CAMK2D: variants seen among roughly 807,000 people sequenced by gnomAD.
CAMK2D encodes calcium/calmodulin-dependent protein kinase type II subunit delta.
Under a neutral mutation model 84.0 loss-of-function variants are expected in CAMK2D, and 37 were observed. That is an observed-to-expected ratio of 0.44 (90% CI 0.34 to 0.58). The LOEUF is 0.58. Among genes scored for constraint, CAMK2D ranks in the 20% least tolerant of loss-of-function variants. The pLI is 0.02. For missense variants in CAMK2D, 448 were observed against 652.5 expected (o/e 0.69, Z 3.41); for synonymous variants, 202 against 212.5 (o/e 0.95, Z 0.43).
At chr4:113,522,547 T>C (rs1456105182) in intron 8 of CAMK2D, among the ~76,000 whole-genome samples, 1 of 152,154 alleles carries the variant, frequency 6.6e-6, no homozygotes, top group African/African-American at 2.4e-5. Context: ...ATGGAAACTA[T>C]CTATGCCATG....
chr4:113,521,808 A>G (rs549014809), intron 8 of CAMK2D, among the ~76,000 whole-genome samples: 1 of 152,314 alleles, frequency 6.6e-6, no homozygotes, highest in South Asian at 2.1e-4. Context: ...ATGTATTGAT[A>G]CAATGTTTCA....
At chr4:113,749,885 T>C (rs1466205839) in intron 2 of CAMK2D, among the ~76,000 whole-genome samples, 1 of 152,254 alleles carries the variant, frequency 6.6e-6, no homozygotes, top group Non-Finnish European at 1.5e-5. Flanking sequence ...TTGTATGCTA[T>C]TTGACATGAA....
At chr4:113,651,221 TAAC>T (rs1296252656) in intron 3 of CAMK2D, among the ~76,000 whole-genome samples, 1 of 152,144 alleles carries the variant, frequency 6.6e-6, no homozygotes, top group African/African-American at 2.4e-5. Flanking sequence ...ATAATAAAAT[TAAC>T]AAGTTATTTC....
intron 2 of CAMK2D, among the ~76,000 whole-genome samples, chr4:113,745,907 A>T (rs1415316853): frequency 6.6e-6 from 1 of 152,144 alleles, no homozygotes; most frequent in Non-Finnish European, 1.5e-5. Context: ...ACCCTACAAA[A>T]CAGCTGCAAC....
At chr4:113,712,291 G>C (rs1465401068) in intron 2 of CAMK2D, among the ~76,000 whole-genome samples, 4 of 152,190 alleles carry the variant, frequency 2.6e-5, no homozygotes, top group Non-Finnish European at 5.9e-5. Flanking sequence ...AATGACCCAG[G>C]AAGACTATGG....
At chr4:113,457,077 T>G in intron 19 of CAMK2D, 525 of 711,292 alleles carry the variant, frequency 7.4e-4, no homozygotes, top group Non-Finnish European at 9.5e-4. Flanking sequence ...TTTAACCCTG[T>G]GAGATTTTGA....
At chr4:113,675,891 T>C (rs1293708311) in intron 2 of CAMK2D, among the ~76,000 whole-genome samples, 1 of 152,228 alleles carries the variant, frequency 6.6e-6, no homozygotes, top group Non-Finnish European at 1.5e-5. Flanking sequence ...ACAGCTTCTA[T>C]ACCAGTGATT....
intron 2 of CAMK2D, among the ~76,000 whole-genome samples, chr4:113,670,109 T>A (rs1352209852): frequency 6.6e-6 from 1 of 152,054 alleles, no homozygotes; most frequent in African/African-American, 2.4e-5. Flanking sequence ...TGATACACCG[T>A]CTGTACTACA....
intron 2 of CAMK2D, among the ~76,000 whole-genome samples, chr4:113,698,133 T>C (rs776410452): frequency 7.2e-5 from 11 of 152,110 alleles, no homozygotes; most frequent in African/African-American, 1.2e-4. Context: ...ACGAAGCCTA[T>C]TTTATAATAA....
chr4:113,550,375 G>C (rs2098617048), intron 5 of CAMK2D, among the ~76,000 whole-genome samples: 1 of 152,126 alleles, frequency 6.6e-6, no homozygotes, highest in African/African-American at 2.4e-5. Flanking sequence ...GTTTCACCAT[G>C]TTGCCCAGGC....
intron 2 of CAMK2D, among the ~76,000 whole-genome samples, chr4:113,741,929 C>T (rs1189682550): frequency 6.6e-6 from 1 of 152,198 alleles, no homozygotes; most frequent in Admixed American, 6.6e-5. Context: ...TGCTTCTTTT[C>T]ATCGTTAATG....
At chr4:113,500,411 A>G (rs1263172356) in intron 16 of CAMK2D, 52 bp downstream of exon 16, 17 of 1,100,346 alleles carry the variant, frequency 1.5e-5, no homozygotes, top group Non-Finnish European at 2.1e-5. Context: ...TTTTTTTCAT[A>G]TATATATGTG....
intron 8 of CAMK2D, among the ~76,000 whole-genome samples, chr4:113,526,447 T>G (rs980347529): frequency 1.3e-5 from 2 of 148,948 alleles, no homozygotes; most frequent in Non-Finnish European, 3.0e-5. Flanking sequence ...TGTGTGTGCA[T>G]GCATGTATGC....
At chr4:113,662,197 T>C (rs536091578) in intron 2 of CAMK2D, among the ~76,000 whole-genome samples, 75 of 152,308 alleles carry the variant, frequency 4.9e-4, no homozygotes, top group Non-Finnish European at 7.4e-4. Context: ...TTATCCCTAA[T>C]GGAGAATGTT....
At chr4:113,467,287 A>C (rs2097486149) in intron 16 of CAMK2D, among the ~76,000 whole-genome samples, 2 of 152,158 alleles carry the variant, frequency 1.3e-5, no homozygotes, top group Admixed American at 1.3e-4. Flanking sequence ...ACCAGTTTGC[A>C]TTTTTTATGA....
At chr4:113,578,704 A>G (rs1282194497) in intron 4 of CAMK2D, among the ~76,000 whole-genome samples, 17 of 152,130 alleles carry the variant, frequency 1.1e-4, no homozygotes, top group Admixed American at 1.1e-3. Flanking sequence ...AACAATACAT[A>G]GATGTAGCCA....
chr4:113,562,913 G>T (rs960058931), intron 4 of CAMK2D, among the ~76,000 whole-genome samples: 4 of 152,100 alleles, frequency 2.6e-5, no homozygotes, highest in Non-Finnish European at 5.9e-5. Flanking sequence ...TAGTAGCTTT[G>T]TCACTATTCA....
At chr4:113,659,003 T>C (rs2099215367) in intron 3 of CAMK2D, among the ~76,000 whole-genome samples, 2 of 152,216 alleles carry the variant, frequency 1.3e-5, no homozygotes, top group Non-Finnish European at 2.9e-5. Flanking sequence ...GTGTTGACAA[T>C]GCTATCTAGG....
In CAMK2D at chr4:113,554,738, T is replaced by C. The variant is rs550310621; in HGVS notation, c.276-2642A>G. 9.2e-5 allele frequency among the ~76,000 whole-genome samples: 14 copies of C among 152,274 alleles called. No individual in the cohort carries two copies. The South Asian group carries it at 2.3e-3, about 25-fold the overall frequency. On this transcript the variant is annotated intron_variant, in intron 4 of 20. Coordinates refer to ENST00000511664, the MANE Select transcript of CAMK2D (RefSeq NM_001321571.2). ...TTTAATAGAACACAAAATTAAGCCATAGTTATTAGATATTTTTGAAAATTT... is the reference window on the plus strand; with the variant it reads ...TTTAATAGAACACAAAATTAAGCCACAGTTATTAGATATTTTTGAAAATTT...
Sources: allele counts gnomAD v4.1 joint callset (sites outside exome capture counted in the v4.1 genomes callset), GRCh38; gene constraint gnomAD v4.1.1; transcripts MANE v1.5; gene names NCBI Gene and HGNC (gene_info 2026-07-23, HGNC 2026-07-21).